Variants in GPC5 observed in about 807,000 individuals in gnomAD.
GPC5 encodes the protein glypican 5, also known as glypican-5.
A neutral mutation model predicts 53.9 loss-of-function variants in GPC5; 47 were observed. The ratio of observed to expected loss-of-function variants is 0.87; its 90% confidence interval spans 0.69 to 1.11. The LOEUF (loss-of-function observed/expected upper bound fraction) is 1.11. Ranked by LOEUF, GPC5 falls within the 50% of genes most tolerant of loss-of-function variation. The pLI is 0.00. For synonymous variants in GPC5, 286 were observed against 263.3 expected (o/e 1.09, Z -0.84); for missense variants, 748 against 713.1 (o/e 1.05, Z -0.56).
At chr13:92,124,554 G>C (rs562180091) in intron 6 of GPC5, among the ~76,000 whole-genome samples, 1 of 152,292 alleles carries the variant, frequency 6.6e-6, no homozygotes, top group African/African-American at 2.4e-5. Context: ...TTGAGAATGA[G>C]GAAAGTGGAA....
chr13:91,962,743 TTC>T (rs1566365854), intron 6 of GPC5, among the ~76,000 whole-genome samples: 1 of 151,966 alleles, frequency 6.6e-6, no homozygotes, highest in East Asian at 1.9e-4. Context: ...ACAGTGGGAG[TTC>T]TCTATTAACC....
At chr13:91,791,724 A>T (rs2037968093) in intron 5 of GPC5, among the ~76,000 whole-genome samples, 1 of 151,698 alleles carries the variant, frequency 6.6e-6, no homozygotes, top group Admixed American at 6.6e-5. Flanking sequence ...TTCCACTACT[A>T]AACAGGAGAG....
intron 7 of GPC5, among the ~76,000 whole-genome samples, chr13:92,469,220 T>G (rs1169150875): frequency 6.6e-6 from 1 of 152,048 alleles, no homozygotes; most frequent in African/African-American, 2.4e-5. Context: ...TTTTTTCTTT[T>G]CTTTTTGAGA....
intron 2 of GPC5, among the ~76,000 whole-genome samples, chr13:91,685,301 T>G (rs2035598962): frequency 6.6e-6 from 1 of 152,300 alleles, no homozygotes; most frequent in Admixed American, 6.5e-5. Context: ...TGAGACCTTG[T>G]CTCAGAATAA....
chr13:92,355,882 ATTTT>A (rs57295384), intron 7 of GPC5, among the ~76,000 whole-genome samples: 3,107 of 126,146 alleles, frequency 0.025, 104 homozygotes, highest in African/African-American at 0.083. Flanking sequence ...TGACCCTATC[ATTTT>A]TTTTTTTTTT....
chr13:91,733,324 G>A (rs2036743096), intron 4 of GPC5, among the ~76,000 whole-genome samples: 1 of 152,020 alleles, frequency 6.6e-6, no homozygotes. Context: ...TAGTAGAGAT[G>A]GGGTTTCACC....
intron 2 of GPC5, among the ~76,000 whole-genome samples, chr13:91,624,601 A>G (rs1368051386): frequency 6.6e-6 from 1 of 152,072 alleles, no homozygotes; most frequent in Non-Finnish European, 1.5e-5. Context: ...TATTTTATAT[A>G]TCTATAAAAA....
At chr13:91,525,074 T>C (rs757808492) in intron 2 of GPC5, among the ~76,000 whole-genome samples, 1 of 152,200 alleles carries the variant, frequency 6.6e-6, no homozygotes, top group East Asian at 1.9e-4. Context: ...ATAGACACAA[T>C]GTCCTCTTTT....
intron 5 of GPC5, among the ~76,000 whole-genome samples, chr13:91,850,570 G>A (rs1838367748): frequency 6.6e-6 from 1 of 151,894 alleles, no homozygotes; most frequent in South Asian, 2.1e-4. Flanking sequence ...AAACTTTTAG[G>A]GATGTCTCTA....
At chr13:91,620,626 C>T (rs567257584) in intron 2 of GPC5, among the ~76,000 whole-genome samples, 16 of 152,234 alleles carry the variant, frequency 1.1e-4, no homozygotes, top group African/African-American at 3.6e-4. Context: ...TCTCTGCCCT[C>T]CAAAAATATC....
At chr13:91,433,332 A>T (rs1400388546) in intron 1 of GPC5, among the ~76,000 whole-genome samples, 7 of 150,664 alleles carry the variant, frequency 4.6e-5, no homozygotes, top group African/African-American at 1.5e-4. Context: ...GTATATCTCC[A>T]AATGCTATCC....
chr13:92,257,546 A>ATTTTGTTTTT (rs2042735192), intron 7 of GPC5, among the ~76,000 whole-genome samples: 1 of 72,966 alleles, frequency 1.4e-5, no homozygotes, highest in African/African-American at 7.7e-5. Flanking sequence ...TAATACAGGG[A>ATTTTGTTTTT]TTTTTTTTTT....
intron 2 of GPC5, among the ~76,000 whole-genome samples, chr13:91,473,835 C>T (rs1179899794): frequency 1.3e-5 from 2 of 152,112 alleles, no homozygotes; most frequent in Non-Finnish European, 2.9e-5. Flanking sequence ...TGTTTTTCTT[C>T]CTCAAGCACT....
intron 2 of GPC5, among the ~76,000 whole-genome samples, chr13:91,670,154 G>A (rs1306467063): frequency 6.6e-6 from 1 of 152,142 alleles, no homozygotes; most frequent in Non-Finnish European, 1.5e-5. Flanking sequence ...ATTGCTGAGT[G>A]ATACAAGGGG....
At chr13:91,782,639 C>T (rs530080620) in intron 5 of GPC5, among the ~76,000 whole-genome samples, 1 of 152,112 alleles carries the variant, frequency 6.6e-6, no homozygotes, top group Non-Finnish European at 1.5e-5. Flanking sequence ...GGACACAGAG[C>T]CAAACCAAAT....
intron 6 of GPC5, among the ~76,000 whole-genome samples, chr13:92,119,546 G>T (rs535403804): frequency 7.0e-6 from 1 of 143,772 alleles, no homozygotes; most frequent in Non-Finnish European, 1.5e-5. Flanking sequence ...ACTACAAGGC[G>T]CCCGCCACCT....
intron 7 of GPC5, among the ~76,000 whole-genome samples, chr13:92,527,946 C>T (rs371429735): frequency 1.3e-5 from 2 of 152,004 alleles, no homozygotes; most frequent in Admixed American, 6.6e-5. Context: ...AATAGTTAAA[C>T]TATCATTAGG....
At chr13:91,545,007 A>G (rs1236580381) in intron 2 of GPC5, among the ~76,000 whole-genome samples, 1 of 152,174 alleles carries the variant, frequency 6.6e-6, no homozygotes, top group African/African-American at 2.4e-5. Flanking sequence ...CAGGGGTCTA[A>G]CAATAGGGCT....
intron 5 of GPC5, among the ~76,000 whole-genome samples, chr13:91,860,708 A>T: frequency 6.6e-6 from 1 of 151,582 alleles, no homozygotes. Context: ...CACCGTGTTG[A>T]CCAGGTTAGT....
Sources: allele counts gnomAD v4.1 joint callset (sites outside exome capture counted in the v4.1 genomes callset), GRCh38; gene constraint gnomAD v4.1.1; transcripts MANE v1.5; gene names NCBI Gene and HGNC (gene_info 2026-07-23, HGNC 2026-07-21).